The following NOVA1 variants were observed in gnomAD, a reference collection of about 807,000 sequenced individuals.
The protein encoded by NOVA1 is RNA-binding protein Nova-1.
Under a neutral mutation model 38.0 loss-of-function variants are expected in NOVA1, and 7 were observed. The ratio of observed to expected loss-of-function variants is 0.18; its 90% CI spans 0.10 to 0.35. The LOEUF is 0.35. Among genes scored for constraint, NOVA1 ranks in the 10% least tolerant of loss-of-function variants. The pLI is 1.00. For synonymous variants in NOVA1, 270 were observed against 232.5 expected (o/e 1.16, Z -1.47); for missense variants, 460 against 616.0 (o/e 0.75, Z 2.68).
chr14:26,524,569 C>T (rs1415050347), intron 2 of NOVA1, among the ~76,000 whole-genome samples: 1 of 152,132 alleles, frequency 6.6e-6, no homozygotes, highest in African/African-American at 2.4e-5. Context: ...CTTCAATCAC[C>T]TTATCAAAAG....
At chr14:26,455,054 T>C (rs1284969802) in intron 4 of NOVA1, among the ~76,000 whole-genome samples, 3 of 152,170 alleles carry the variant, frequency 2.0e-5, no homozygotes, top group African/African-American at 7.2e-5. Context: ...CAGATTTACA[T>C]GAATAGAAGT....
chr14:26,522,211 G>A (rs549518905), intron 2 of NOVA1, among the ~76,000 whole-genome samples: 2 of 152,142 alleles, frequency 1.3e-5, no homozygotes, highest in African/African-American at 4.8e-5. Context: ...ATATTGCAGA[G>A]TAATCACTGT....
At chr14:26,535,501 A>G (rs888428669) in intron 2 of NOVA1, among the ~76,000 whole-genome samples, 1 of 152,226 alleles carries the variant, frequency 6.6e-6, no homozygotes, top group Non-Finnish European at 1.5e-5. Context: ...CTAAAAAACA[A>G]TACATCAAAT....
At position 26,597,118 on chromosome 14, in the gene NOVA1, TAGGCGCGGGGCAGGTGCAGGGGAGG is replaced by T. The variant is rs1432399400; in HGVS notation, c.136+158_136+182del. On this transcript the variant is annotated intron_variant, in intron 1 of 4. Coordinates refer to ENST00000539517, the MANE Select transcript of NOVA1 (RefSeq NM_002515.3). ...GAAATGGAAATGTGTCGGGGACACCTAGGCGCGGGGCAGGTGCAGGGGAGGGGGCGCGGGGCAGGGGCGCAGGGGC... is the reference window on the plus strand; with the variant it reads ...GAAATGGAAATGTGTCGGGGACACCTGGGCGCGGGGCAGGGGCGCAGGGGC... 59 of 1,226,542 alleles carry T rather than the reference TAGGCGCGGGGCAGGTGCAGGGGAGG, an allele frequency of 4.8e-5. No homozygotes were observed. The Admixed American group carries it at 1.6e-3, about 33-fold the overall frequency. The allele number at this position is 1,226,542 out of a possible 1,614,324, so 76.0% of individuals were successfully genotyped here.
chr14:26,462,134 T>A (rs138181607), intron 4 of NOVA1, among the ~76,000 whole-genome samples: 1 of 152,210 alleles, frequency 6.6e-6, no homozygotes, highest in Non-Finnish European at 1.5e-5. Flanking sequence ...TACAGCAGTA[T>A]ACAATAACGT....
intron 4 of NOVA1, among the ~76,000 whole-genome samples, chr14:26,467,198 G>A (rs1348057937): frequency 2.6e-5 from 4 of 152,282 alleles, no homozygotes; most frequent in African/African-American, 7.2e-5. Context: ...GAAGCAAAAT[G>A]GAACCAGGCA....
chr14:26,528,940 A>C (rs1889494925), intron 2 of NOVA1, among the ~76,000 whole-genome samples: 1 of 152,090 alleles, frequency 6.6e-6, no homozygotes, highest in Non-Finnish European at 1.5e-5. Context: ...AGCCAGCTGA[A>C]GTGAGATATG....
chr14:26,495,594 C>T (rs1342688140), intron 2 of NOVA1, among the ~76,000 whole-genome samples: 1 of 86,962 alleles, frequency 1.1e-5, no homozygotes, highest in Non-Finnish European at 2.3e-5. Flanking sequence ...GCGCTGCACC[C>T]ACTAACTCAT....
At chr14:26,473,657 T>TA (rs1456952184) in intron 3 of NOVA1, among the ~76,000 whole-genome samples, 2 of 151,998 alleles carry the variant, frequency 1.3e-5, no homozygotes, top group Non-Finnish European at 2.9e-5. Context: ...GGCTTCTGGT[T>TA]AATTCACTGC....
At chr14:26,552,477 TTATACTATG>T (rs1891223410) in intron 2 of NOVA1, among the ~76,000 whole-genome samples, 1 of 152,120 alleles carries the variant, frequency 6.6e-6, no homozygotes, top group Non-Finnish European at 1.5e-5. Flanking sequence ...AAAATTAAAA[TTATACTATG>T]TAGAACACTG....
At chr14:26,449,068 A>ATGTT in intron 4 of NOVA1, 105 bp from the exon 5 acceptor site, 4 of 1,054,142 alleles carry the variant, frequency 3.8e-6, no homozygotes, top group Non-Finnish European at 4.0e-6. Flanking sequence ...AAAATTAAAC[A>ATGTT]TAATTTATGA....
At chr14:26,556,138 GAT>G (rs1262711459) in intron 2 of NOVA1, among the ~76,000 whole-genome samples, 1 of 151,990 alleles carries the variant, frequency 6.6e-6, no homozygotes, top group Non-Finnish European at 1.5e-5. Flanking sequence ...TTATTTGGCA[GAT>G]ATCAATTAAC....
chr14:26,595,402 G>A lies in NOVA1; in HGVS notation c.280+8C>T. On this transcript the variant is annotated splice_region_variant and intron_variant, in intron 2 of 4. Transcript: ENST00000539517. Reference sequence around the variant, plus strand: ...CTCATCAAACAATCTCTTCACCATTGCACCTACCTGGGTAAAAATCTTTGG... The same window carrying A: ...CTCATCAAACAATCTCTTCACCATTACACCTACCTGGGTAAAAATCTTTGG... The A allele has an allele frequency of 6.2e-7, 1 of 1,612,694 alleles. No homozygotes were observed. Among genetic ancestry groups the A allele is most frequent in the Non-Finnish European group, 8.5e-7 (1 of 1,179,328 alleles).
intron 4 of NOVA1, among the ~76,000 whole-genome samples, chr14:26,465,750 C>T (rs113263370): frequency 9.9e-5 from 15 of 152,120 alleles, no homozygotes; most frequent in Non-Finnish European, 1.6e-4. Flanking sequence ...TTTCAACTAA[C>T]GCTAGTCATT....
In NOVA1 at chr14:26,448,816, C is replaced by T. The variant is rs1239857338; in HGVS notation, c.667G>A (p.Val223Met). 1.9e-6 allele frequency: 3 copies of T among 1,614,000 alleles called. No homozygotes were observed. Among genetic ancestry groups the T allele is most frequent in the Non-Finnish European group, 2.5e-6 (3 of 1,180,022 alleles). Reference sequence around the variant, plus strand: ...CGGTTTTGTTCAGGTTCTCCACTCACAGTGACAACCCTCTCTTGCAAGTTG... The same window carrying T: ...CGGTTTTGTTCAGGTTCTCCACTCATAGTGACAACCCTCTCTTGCAAGTTG... ...GINLQERVVT[V>M]SGEPEQNRKA... Residue 223 changes from valine (V) to methionine (M), a missense_variant, in exon 5 of 5, where the codon GTG (valine) becomes ATG (methionine). Physicochemically the swap from Val to Met is conservative, Grantham distance 21. Transcript: ENST00000539517. This position sits in a 1 kb window ranked among gnomAD's most constrained non-coding sequence, Gnocchi z 5.3.
chr14:26,579,053 C>CTTTTTTTTTTTTTT (rs869075814), intron 2 of NOVA1, among the ~76,000 whole-genome samples: 2 of 80,082 alleles, frequency 2.5e-5, no homozygotes, highest in Admixed American at 2.0e-4. Context: ...AGGTGGTATT[C>CTTTTTTTTTTTTTT]TTTTTTTTTT....
chr14:26,484,300 G>A (rs1163190837), intron 2 of NOVA1, among the ~76,000 whole-genome samples: 1 of 151,566 alleles, frequency 6.6e-6, no homozygotes, highest in Non-Finnish European at 1.5e-5. Context: ...GCCGGGCATG[G>A]TGGCGGGCAC....
intron 2 of NOVA1, among the ~76,000 whole-genome samples, chr14:26,513,144 T>A (rs1412198215): frequency 2.0e-5 from 3 of 151,986 alleles, no homozygotes; most frequent in Non-Finnish European, 4.4e-5. Flanking sequence ...ATTTTAACAA[T>A]TAACACAAAA....
chr14:26,487,117 G>A (rs1333766736), intron 2 of NOVA1, among the ~76,000 whole-genome samples: 1 of 152,048 alleles, frequency 6.6e-6, no homozygotes, highest in Admixed American at 6.5e-5. Context: ...TTAAGATAAT[G>A]AGTCAGCAAA....
Sources: allele counts gnomAD v4.1 joint callset (sites outside exome capture counted in the v4.1 genomes callset), GRCh38; gene constraint gnomAD v4.1.1; non-coding constraint Gnocchi (gnomAD v3.1); transcripts MANE v1.5; gene names NCBI Gene and HGNC (gene_info 2026-07-23, HGNC 2026-07-21).